The following ZNF704 variants were observed in gnomAD, a reference collection of about 807,000 sequenced individuals.
ZNF704 encodes the protein glucocorticoid induced gene 1.
Under a neutral mutation model 44.7 loss-of-function variants are expected in ZNF704, and 10 were observed. That is an observed-to-expected ratio of 0.22 (90% CI 0.14 to 0.38). The LOEUF (loss-of-function observed/expected upper bound fraction) is 0.38. Ranked by LOEUF, ZNF704 falls within the 10% of genes least tolerant of loss-of-function variation. ZNF704 has a pLI of 1.00. For synonymous variants in ZNF704, 211 were observed against 207.6 expected (o/e 1.02, Z -0.14); for missense variants, 390 against 545.5 (o/e 0.71, Z 2.84).
At chr8:80,720,374 T>A (rs916126217) in intron 2 of ZNF704, among the ~76,000 whole-genome samples, 1 of 152,236 alleles carries the variant, frequency 6.6e-6, no homozygotes, top group Non-Finnish European at 1.5e-5. Flanking sequence ...ATTTCTGAAC[T>A]TTCTTCTCAT....
intron 2 of ZNF704, among the ~76,000 whole-genome samples, chr8:80,771,566 A>G (rs1807320566): frequency 1.3e-5 from 2 of 152,136 alleles, no homozygotes; most frequent in African/African-American, 4.8e-5. Context: ...GACCTTGCTT[A>G]ACTCTTTTAT....
chr8:80,878,302 A>T (rs548680414), upstream of ZNF704, among the ~76,000 whole-genome samples: 1 of 146,798 alleles, frequency 6.8e-6, no homozygotes, highest in South Asian at 2.1e-4. Flanking sequence ...GGAAGGAAGG[A>T]AGGAAGGAAG....
intron 2 of ZNF704, among the ~76,000 whole-genome samples, chr8:80,764,332 A>G (rs1807190799): frequency 6.6e-6 from 1 of 152,230 alleles, no homozygotes; most frequent in African/African-American, 2.4e-5. Flanking sequence ...TCATGGTGGA[A>G]GATGAAGGGG....
intron 1 of ZNF704, among the ~76,000 whole-genome samples, chr8:80,836,296 T>C (rs1808581966): frequency 6.6e-6 from 1 of 152,150 alleles, no homozygotes; most frequent in Non-Finnish European, 1.5e-5. Context: ...CATCCAGGCC[T>C]TTTTACTGGC....
chr8:80,714,775 C>T (rs73273068), intron 2 of ZNF704, among the ~76,000 whole-genome samples: 10,837 of 152,180 alleles, frequency 0.071, 1,295 homozygotes, highest in African/African-American at 0.25. Context: ...TTTTAAGTCA[C>T]ATGGCGGCGG....
intron 2 of ZNF704, among the ~76,000 whole-genome samples, chr8:80,757,863 A>T (rs1807063450): frequency 6.6e-6 from 1 of 152,222 alleles, no homozygotes; most frequent in African/African-American, 2.4e-5. Flanking sequence ...GCCTAGGTGT[A>T]TAGTAGCCTC....
At chr8:80,857,793 A>G (rs752839952) in intron 1 of ZNF704, among the ~76,000 whole-genome samples, 1 of 152,204 alleles carries the variant, frequency 6.6e-6, no homozygotes, top group Non-Finnish European at 1.5e-5. Flanking sequence ...GATTGGTATT[A>G]TATCTTCCTT....
chr8:80,735,534 C>G (rs1285516087), intron 2 of ZNF704, among the ~76,000 whole-genome samples: 1 of 152,160 alleles, frequency 6.6e-6, no homozygotes, highest in East Asian at 1.9e-4. Flanking sequence ...ATATATTCAA[C>G]TTAGTGTCCA....
In ZNF704 at chr8:80,814,229, T is replaced by C. The variant is rs1434120226; in HGVS notation, c.221+7145A>G. ...TCAAACTGAGTTCTGTTCTTACAGG[T>C]AACGGAGGACATTAAAAAGAACAAT... is the stretch of plus-strand genomic sequence containing the variant. On this transcript the variant is annotated intron_variant, in intron 2 of 8. Coordinates refer to ENST00000327835, the MANE Select transcript of ZNF704 (RefSeq NM_001033723.3). 2.0e-5 allele frequency: 3 copies of C among 152,328 alleles called. No homozygotes were observed. The East Asian group carries it at 5.8e-4, about 29-fold the overall frequency. 9.4% of individuals were successfully genotyped at this position (152,328 alleles called of 1,614,324 possible). A position where few individuals can be genotyped will look rare whatever the true frequency, so the allele number is the denominator to read the frequency against.
chr8:80,795,320 T>C (rs1270214414), intron 2 of ZNF704, among the ~76,000 whole-genome samples: 3 of 152,188 alleles, frequency 2.0e-5, no homozygotes, highest in Non-Finnish European at 4.4e-5. Flanking sequence ...TTTTGAGATA[T>C]TAAATGTGAA....
Position 80,679,989 on chromosome 8 carries a change from G to A in ZNF704, c.558+7237C>T, listed in dbSNP as rs182933887. Among the ~76,000 whole-genome samples the A allele has an allele frequency of 3.6e-4, 55 of 152,300 alleles. 1 individual carries two copies. In the East Asian group the frequency reaches 6.4e-3, roughly 18 times the overall value. On this transcript the variant is annotated intron_variant, in intron 4 of 8. Transcript: ENST00000327835. ...TAGAACTTCCTTGGGTCTATTGGCT[G>A]AGACCTTTGGCCAAGGTGTCCCTGA...
intron 1 of ZNF704, among the ~76,000 whole-genome samples, chr8:80,873,299 A>C (rs1693301768): frequency 6.6e-6 from 1 of 152,132 alleles, no homozygotes; most frequent in Non-Finnish European, 1.5e-5. Flanking sequence ...AACAAACCCG[A>C]CACGGCCTTT....
intron 2 of ZNF704, among the ~76,000 whole-genome samples, chr8:80,753,440 C>T (rs1806981866): frequency 6.6e-6 from 1 of 150,852 alleles, no homozygotes; most frequent in Non-Finnish European, 1.5e-5. Context: ...GGCTTTCTGC[C>T]ACTTGGACAA....
intron 3 of ZNF704, among the ~76,000 whole-genome samples, chr8:80,689,356 T>C (rs1446966750): frequency 2.0e-5 from 3 of 152,214 alleles, no homozygotes; most frequent in Admixed American, 2.0e-4. Context: ...ACCCATCTCA[T>C]TACAGCTAGG....
chr8:80,709,047 C>G (rs1563526690), intron 2 of ZNF704, among the ~76,000 whole-genome samples: 1 of 152,156 alleles, frequency 6.6e-6, no homozygotes, highest in Admixed American at 6.5e-5. Flanking sequence ...TGACACATCA[C>G]TAACATTAAC....
In ZNF704 at chr8:80,687,472, AAC is replaced by A. The variant is rs1240896472; in HGVS notation, c.326-16_326-15del. On this transcript the variant is annotated splice_polypyrimidine_tract_variant and intron_variant, in intron 3 of 8. Transcript: ENST00000327835. ...CGCTGAGGCTCTCTGCATGCACACA[AAC>A]ACAGTCAGTGCCAGGACCCCTGCGT... 1.8e-5 allele frequency: 28 copies of A among 1,514,812 alleles called. No individual in the cohort carries two copies. Among genetic ancestry groups the A allele is most frequent in the East Asian group, 4.9e-5 (2 of 40,898 alleles). The allele number at this position is 1,514,812 out of a possible 1,614,324, so 93.8% of individuals were successfully genotyped here.
chr8:80,647,704 A>G (rs1014632664), intron 7 of ZNF704, among the ~76,000 whole-genome samples: 1 of 152,218 alleles, frequency 6.6e-6, no homozygotes, highest in Admixed American at 6.5e-5. Context: ...TTGCATCTCT[A>G]GATGAATCAA....
intron 2 of ZNF704, among the ~76,000 whole-genome samples, chr8:80,714,846 A>G (rs1190225851): frequency 6.6e-6 from 1 of 152,164 alleles, no homozygotes; most frequent in Admixed American, 6.5e-5. Flanking sequence ...TTCAGTATAA[A>G]TATTTTGTTT....
intron 2 of ZNF704, among the ~76,000 whole-genome samples, chr8:80,710,461 GGCA>G (rs1296743995): frequency 3.9e-5 from 6 of 152,062 alleles, no homozygotes; most frequent in Admixed American, 6.6e-5. Context: ...CCAGGCAGCT[GGCA>G]CTACAGTATG....
Sources: allele counts gnomAD v4.1 joint callset (sites outside exome capture counted in the v4.1 genomes callset), GRCh38; gene constraint gnomAD v4.1.1; transcripts MANE v1.5; gene names NCBI Gene and HGNC (gene_info 2026-07-23, HGNC 2026-07-21).